GRIN2A: variants seen among roughly 807,000 people sequenced by gnomAD.
GRIN2A encodes glutamate receptor ionotropic, NMDA 2A.
Under a neutral mutation model 113.4 loss-of-function variants are expected in GRIN2A, and 22 were observed. The ratio of observed to expected loss-of-function variants is 0.19; its 90% confidence interval spans 0.14 to 0.28. The LOEUF (loss-of-function observed/expected upper bound fraction) is 0.28, where lower values mean the gene tolerates loss of function less well. GRIN2A is among the 10% of genes least tolerant of loss of function. The pLI, the probability that GRIN2A is intolerant of heterozygous loss-of-function variation, is 1.00. For synonymous variants in GRIN2A, 827 were observed against 738.4 expected, an observed-to-expected ratio of 1.12 and a Z score of -1.94; for missense variants, 1,502 against 1,887.0, an observed-to-expected ratio of 0.80 and a Z score of 3.78.
intron 2 of GRIN2A, among the ~76,000 whole-genome samples, chr16:10,079,842 G>C (rs139616593): frequency 6.6e-6 from 1 of 152,212 alleles, no homozygotes; most frequent in Non-Finnish European, 1.5e-5. Context: ...GTGACAGAAA[G>C]AAGGTTGCTA....
intron 2 of GRIN2A, among the ~76,000 whole-genome samples, chr16:10,073,468 A>C (rs543125203): frequency 4.1e-4 from 63 of 152,274 alleles, no homozygotes; most frequent in African/African-American, 1.3e-3. Context: ...TCCTGGCTCA[A>C]TGGAATCACT....
chr16:9,845,935 G>A (rs1310961174), intron 5 of GRIN2A, among the ~76,000 whole-genome samples: 1 of 152,180 alleles, frequency 6.6e-6, no homozygotes, highest in Non-Finnish European at 1.5e-5. Flanking sequence ...TGCCCTCCCT[G>A]TTCATCCATG....
intron 2 of GRIN2A, among the ~76,000 whole-genome samples, chr16:10,074,092 T>C (rs1489505185): frequency 3.9e-5 from 6 of 152,190 alleles, no homozygotes; most frequent in South Asian, 4.1e-4. Context: ...TCTTACAAGA[T>C]GGCATACAAA....
rs539535265 is a variant in GRIN2A at position 9,809,551 on chromosome 16, AT to A, written c.2169-11088del. ...CAAAGGAATGCTTATCTGTATTTTC[AT>A]TTTTTTTTTTTTACAATGAGGATAC... On this transcript the variant is annotated intron_variant, in intron 10 of 12. Transcript: ENST00000330684. Among the ~76,000 whole-genome samples the A allele has an allele frequency of 5.0e-3, 736 of 146,192 alleles. 3 individuals are homozygous for A. The highest frequency in any genetic ancestry group is 0.011 in the South Asian group (52 of 4,618).
At chr16:10,039,988 G>A (rs1016207529) in intron 2 of GRIN2A, among the ~76,000 whole-genome samples, 5 of 52 alleles carry the variant, frequency 0.096, no homozygotes, top group African/African-American at 0.17. Flanking sequence ...CCTCCACACT[G>A]CACAAATACA....
intron 2 of GRIN2A, among the ~76,000 whole-genome samples, chr16:9,945,489 T>C (rs559561607): frequency 6.6e-6 from 1 of 152,198 alleles, no homozygotes; most frequent in Admixed American, 6.5e-5. Context: ...AAAGGCCACA[T>C]CACACAATGA....
intron 3 of GRIN2A, among the ~76,000 whole-genome samples, chr16:9,898,350 G>A (rs550560361): frequency 1.2e-3 from 184 of 152,150 alleles, no homozygotes; most frequent in African/African-American, 4.3e-3. Flanking sequence ...CTGTCCTTGT[G>A]TGAACAGCCA....
intron 11 of GRIN2A, among the ~76,000 whole-genome samples, chr16:9,771,937 G>C (rs1332906774): frequency 6.6e-6 from 1 of 152,036 alleles, no homozygotes; most frequent in Non-Finnish European, 1.5e-5. Flanking sequence ...CACTTTGATG[G>C]ACAGAGATTT....
intron 2 of GRIN2A, among the ~76,000 whole-genome samples, chr16:10,064,455 G>A (rs1028746277): frequency 3.3e-5 from 5 of 152,086 alleles, no homozygotes; most frequent in Non-Finnish European, 7.4e-5. Context: ...CTTTATCAAC[G>A]GGAAAAAGAT....
chr16:9,812,746 A>C (rs2141273521), intron 10 of GRIN2A, among the ~76,000 whole-genome samples: 1 of 152,342 alleles, frequency 6.6e-6, no homozygotes, highest in African/African-American at 2.4e-5. Context: ...AAAGCAATTC[A>C]GGTAGCTCAC....
chr16:10,172,761 T>C (rs938089449), intron 2 of GRIN2A, among the ~76,000 whole-genome samples: 1 of 152,204 alleles, frequency 6.6e-6, no homozygotes, highest in African/African-American at 2.4e-5. Flanking sequence ...AACTTTAAAA[T>C]GTTGGCAAAG....
intron 3 of GRIN2A, among the ~76,000 whole-genome samples, chr16:9,904,264 T>A (rs2043987628): frequency 6.6e-6 from 1 of 152,178 alleles, no homozygotes; most frequent in Non-Finnish European, 1.5e-5. Flanking sequence ...GCAGATTTGG[T>A]GTCTGGTGAA....
intron 11 of GRIN2A, among the ~76,000 whole-genome samples, chr16:9,785,981 T>C (rs1902208449): frequency 6.6e-6 from 1 of 152,176 alleles, no homozygotes; most frequent in South Asian, 2.1e-4. Context: ...AATGAACAAA[T>C]GGGTGAATAC....
At chr16:9,772,608 T>C (rs944268322) in intron 11 of GRIN2A, among the ~76,000 whole-genome samples, 2 of 152,122 alleles carry the variant, frequency 1.3e-5, no homozygotes, top group African/African-American at 2.4e-5. Context: ...ACTCCTGGGC[T>C]CAAGCAACCC....
intron 2 of GRIN2A, among the ~76,000 whole-genome samples, chr16:9,954,957 C>T (rs1406694742): frequency 1.3e-5 from 2 of 152,166 alleles, no homozygotes; most frequent in Non-Finnish European, 2.9e-5. Flanking sequence ...TTATTATGCA[C>T]ATAGTGACTG....
chr16:10,158,667 T>A (rs545775536), intron 2 of GRIN2A, among the ~76,000 whole-genome samples: 5 of 152,264 alleles, frequency 3.3e-5, no homozygotes, highest in African/African-American at 1.2e-4. Flanking sequence ...AGATGCCAGA[T>A]GCAAAAGGTC....
intron 2 of GRIN2A, among the ~76,000 whole-genome samples, chr16:10,015,272 GAA>G (rs1189929832): frequency 1.3e-5 from 1 of 76,060 alleles, no homozygotes; most frequent in Admixed American, 1.5e-4. Flanking sequence ...AAAAAAAAAA[GAA>G]AAAAAAAAAG....
chr16:10,013,907 T>C (rs1712985021), intron 2 of GRIN2A, among the ~76,000 whole-genome samples: 1 of 152,226 alleles, frequency 6.6e-6, no homozygotes, highest in African/African-American at 2.4e-5. Context: ...TGTAATCTCT[T>C]GCTCAAGCGT....
chr16:9,997,954 T>C (rs1474540352), intron 2 of GRIN2A, among the ~76,000 whole-genome samples: 1 of 152,210 alleles, frequency 6.6e-6, no homozygotes, highest in Non-Finnish European at 1.5e-5. Context: ...TCTTTGTAAA[T>C]TACCCAGTCT....
Sources: allele counts gnomAD v4.1 joint callset (sites outside exome capture counted in the v4.1 genomes callset), GRCh38; gene constraint gnomAD v4.1.1; transcripts MANE v1.5; gene names NCBI Gene and HGNC (gene_info 2026-07-23, HGNC 2026-07-21).